Variants in TOM1L2 observed in about 807,000 individuals in gnomAD.
The protein encoded by TOM1L2 is TOM1-like protein 2.
In TOM1L2, 31 loss-of-function variants were observed where a neutral mutation model predicts 67.9. That is an observed-to-expected ratio of 0.46 (90% CI 0.34 to 0.62). TOM1L2 has a LOEUF of 0.62. Ranked by LOEUF, TOM1L2 falls within the 20% of genes least tolerant of loss-of-function variation. The pLI is 0.01. For missense variants in TOM1L2, 606 were observed against 663.5 expected (o/e 0.91, Z 0.95); for synonymous variants, 256 against 254.0 (o/e 1.01, Z -0.07).
chr17:17,875,925 G>A (rs1203286508), intron 7 of TOM1L2, among the ~76,000 whole-genome samples: 2 of 152,224 alleles, frequency 1.3e-5, no homozygotes, highest in African/African-American at 4.8e-5. Flanking sequence ...AAATGGCCTT[G>A]GCCGTTCTGT....
intron 12 of TOM1L2, chr17:17,857,633 C>T: frequency 1.4e-6 from 1 of 719,946 alleles, no homozygotes. Context: ...TTTGGCACCC[C>T]TGCCAGAAAG....
intron 14 of TOM1L2, among the ~76,000 whole-genome samples, chr17:17,848,199 G>A (rs983364236): frequency 3.9e-5 from 6 of 152,162 alleles, no homozygotes; most frequent in African/African-American, 1.4e-4. Flanking sequence ...CAGTGGGGAG[G>A]GGGGAGTGCC....
intron 7 of TOM1L2, among the ~76,000 whole-genome samples, chr17:17,876,123 G>C (rs573362153): frequency 6.6e-6 from 1 of 152,356 alleles, no homozygotes; most frequent in East Asian, 1.9e-4. Context: ...GGGAGAGACA[G>C]AGGACACTGG....
intron 3 of TOM1L2, among the ~76,000 whole-genome samples, chr17:17,894,971 ACATACATGCATG>A (rs1231264869): frequency 3.0e-5 from 2 of 65,830 alleles, no homozygotes; most frequent in African/African-American, 7.1e-5. Flanking sequence ...ATACATACAT[ACATACATGCATG>A]CATGCATGCA....
intron 7 of TOM1L2, among the ~76,000 whole-genome samples, chr17:17,878,965 G>A (rs1256410502): frequency 6.6e-6 from 1 of 152,232 alleles, no homozygotes; most frequent in East Asian, 1.9e-4. Context: ...GGTTTCAGGG[G>A]TAGACTGCAG....
At chr17:17,854,396 C>T (rs921941670) in intron 12 of TOM1L2, among the ~76,000 whole-genome samples, 1 of 152,182 alleles carries the variant, frequency 6.6e-6, no homozygotes, top group Non-Finnish European at 1.5e-5. Flanking sequence ...AGACACCAGG[C>T]CCTTAGGAGG....
intron 1 of TOM1L2, among the ~76,000 whole-genome samples, chr17:17,965,774 T>C (rs529488726): frequency 6.6e-6 from 1 of 152,332 alleles, no homozygotes; most frequent in Non-Finnish European, 1.5e-5. Flanking sequence ...ATGTATAAAG[T>C]GCCCACTTCA....
chr17:17,873,012 C>CA (rs2037233022), intron 7 of TOM1L2, among the ~76,000 whole-genome samples: 1 of 152,232 alleles, frequency 6.6e-6, no homozygotes, highest in Non-Finnish European at 1.5e-5. Context: ...CTAAGGCCCA[C>CA]AGGCCATCTT....
intron 1 of TOM1L2, among the ~76,000 whole-genome samples, chr17:17,908,197 A>T (rs114678748): frequency 1.3e-5 from 2 of 152,220 alleles, no homozygotes; most frequent in Non-Finnish European, 1.5e-5. Flanking sequence ...TGACCACTCA[A>T]TGAGGAAAGG....
intron 10 of TOM1L2, among the ~76,000 whole-genome samples, chr17:17,864,415 C>CGT (rs2036730193): frequency 2.0e-5 from 3 of 151,086 alleles, no homozygotes; most frequent in Non-Finnish European, 3.0e-5. Flanking sequence ...TTTCACCGTG[C>CGT]TAGCCAGGAT....
rs1320275314 is a variant in TOM1L2 at position 17,848,841 on chromosome 17, C to T, written c.1357G>A (p.Glu453Lys). Residue 453 changes from glutamate to lysine, a missense_variant, in exon 14 of 15, where the codon GAG becomes AAG. Coordinates refer to ENST00000379504, the MANE Select transcript of TOM1L2 (RefSeq NM_001082968.2). Reference protein sequence around the residue: ...RTDLKGDDLEEGVTSEEFDKF... With the variant: ...RTDLKGDDLEKGVTSEEFDKF... ...GCCATACCTTCACTTGTGACACCCTCCTCCAGATCATCACCCTTCTGTGGG... is the reference window on the plus strand; with the variant it reads ...GCCATACCTTCACTTGTGACACCCTTCTCCAGATCATCACCCTTCTGTGGG... 1.2e-6 allele frequency: 2 copies of T among 1,614,154 alleles called. No individual in the cohort carries two copies. Among genetic ancestry groups the T allele is most frequent in the Admixed American group, 3.3e-5 (2 of 60,026 alleles).
At chr17:17,912,566 G>T (rs61555188) in intron 1 of TOM1L2, among the ~76,000 whole-genome samples, 1 of 150,400 alleles carries the variant, frequency 6.6e-6, no homozygotes, top group African/African-American at 2.5e-5. Context: ...GGGCAGAGGC[G>T]CTCCCCACAT....
At chr17:17,900,325 G>A (rs910248145) in intron 2 of TOM1L2, among the ~76,000 whole-genome samples, 11 of 152,038 alleles carry the variant, frequency 7.2e-5, no homozygotes, top group African/African-American at 2.7e-4. Flanking sequence ...TTCAAGACCA[G>A]CCTGGCCAAC....
chr17:17,952,494 C>T (rs2041253558), intron 1 of TOM1L2, among the ~76,000 whole-genome samples: 1 of 145,576 alleles, frequency 6.9e-6, no homozygotes, highest in African/African-American at 2.5e-5. Context: ...CAGGCTCAAG[C>T]AATCCTCCTG....
At chr17:17,956,688 C>G (rs943151714) in intron 1 of TOM1L2, among the ~76,000 whole-genome samples, 1 of 152,202 alleles carries the variant, frequency 6.6e-6, no homozygotes, top group Admixed American at 6.5e-5. Context: ...ACTGGCGGGC[C>G]GGCACTGCTG....
At chr17:17,855,154 T>C (rs1306303791) in intron 12 of TOM1L2, among the ~76,000 whole-genome samples, 1 of 152,206 alleles carries the variant, frequency 6.6e-6, no homozygotes, top group Non-Finnish European at 1.5e-5. Flanking sequence ...GCCATCCTGC[T>C]GTCAGCTGAT....
intron 1 of TOM1L2, among the ~76,000 whole-genome samples, chr17:17,926,580 G>A (rs1423298703): frequency 6.6e-6 from 1 of 152,158 alleles, no homozygotes; most frequent in Non-Finnish European, 1.5e-5. Flanking sequence ...AACCATATTT[G>A]GGCCTGGTGT....
chr17:17,949,336 T>A (rs2041086724), intron 1 of TOM1L2, among the ~76,000 whole-genome samples: 1 of 152,140 alleles, frequency 6.6e-6, no homozygotes, highest in Non-Finnish European at 1.5e-5. Context: ...TAGGGCCCAG[T>A]GCAGACAATG....
At chr17:17,908,722 C>CAAA (rs1331783386) in intron 1 of TOM1L2, among the ~76,000 whole-genome samples, 1 of 152,034 alleles carries the variant, frequency 6.6e-6, no homozygotes, top group Non-Finnish European at 1.5e-5. Context: ...AAGTGCAAGT[C>CAAA]AAAAACACAA....
Sources: gnomAD v4.1 joint callset for allele counts (sites outside exome capture counted in the v4.1 genomes callset) on GRCh38, gnomAD v4.1.1 for gene constraint, MANE v1.5 for transcripts, NCBI Gene and HGNC (gene_info 2026-07-23, HGNC 2026-07-21) for gene names.